The following BAP1 variants were observed in gnomAD, a reference collection of about 807,000 sequenced individuals.
The protein encoded by BAP1 is ubiquitin carboxyl-terminal hydrolase BAP1.
In BAP1, 16 loss-of-function variants were observed where a neutral mutation model predicts 77.2. That is an observed-to-expected ratio of 0.21 (90% CI 0.14 to 0.31). The LOEUF (loss-of-function observed/expected upper bound fraction) is 0.31. Among genes scored for constraint, BAP1 ranks in the 10% least tolerant of loss-of-function variants. The pLI, the probability that BAP1 is intolerant of heterozygous loss-of-function variation, is 1.00. For missense variants in BAP1, 699 were observed against 967.3 expected (o/e 0.72, Z 3.68); for synonymous variants, 362 against 385.2 (o/e 0.94, Z 0.71).
At chr3:52,408,170 G>C (rs1705226170) in intron 4 of BAP1, 93 bp from the exon 5 acceptor site, 3 of 1,538,814 alleles carry the variant, frequency 1.9e-6, no homozygotes, top group African/African-American at 2.7e-5. Context: ...GAGCAGGTCA[G>C]TCATATCTGG....
Position 52,403,922 on chromosome 3 carries a change from A to G in BAP1, c.1251-28T>C. The G allele has an allele frequency of 6.2e-7, 1 of 1,611,852 alleles. No homozygotes were observed. Among genetic ancestry groups the G allele is most frequent in the Non-Finnish European group, 8.5e-7 (1 of 1,178,796 alleles). On this transcript the variant is annotated intron_variant, in intron 12 of 16. Coordinates refer to ENST00000460680, the MANE Select transcript of BAP1 (RefSeq NM_004656.4). This position sits in a 1 kb window ranked among gnomAD's most constrained non-coding sequence, Gnocchi z 4.0. The stretch of plus-strand genomic sequence containing the variant: ...GTGGGGCCCGAGAAGATGTGAAGCA[A>G]GGGAACGGGCCAGGTGACCATACCC...
chr3:52,404,774 G>T (rs542819424), intron 11 of BAP1, among the ~76,000 whole-genome samples, 188 bp from the exon 12 acceptor site: 1 of 152,190 alleles, frequency 6.6e-6, no homozygotes, highest in African/African-American at 2.4e-5. Flanking sequence ...AGAACCCCAC[G>T]GAGGGGTTTT....
chr3:52,406,017 C>G lies in BAP1; in HGVS notation c.784-105G>C. 6.5e-7 allele frequency: 1 copy of G among 1,549,512 alleles called. No individual in the cohort carries two copies. The highest frequency in any genetic ancestry group is 1.1e-5 in the South Asian group (1 of 87,664). ...AAGGAATAATGGCCTTGGCTCTACC[C>G]ATTCACTCACAGGGAAATAAAACAC... On this transcript the variant is annotated intron_variant, in intron 9 of 16. Coordinates refer to ENST00000460680, the MANE Select transcript of BAP1 (RefSeq NM_004656.4). This position sits in a 1 kb window ranked among gnomAD's most constrained non-coding sequence, Gnocchi z 4.6.
rs776549962 is a variant in BAP1, at chr3:52,403,476, T to C, written c.1669A>G (p.Ile557Val). ...NRAVRDLGPV[I>V]STGLLHLAED... ...GCCAGGTGCAGCAGGCCTGTGCTGA[T>C]GACAGGACCCAGATCACGGACAGCA... Residue 557 changes from isoleucine (I) to valine (V), a missense_variant, in exon 13 of 17, where the codon ATC (isoleucine) becomes GTC (valine). By Grantham distance (29) the Ile-to-Val change is conservative. Transcript: ENST00000460680. This position sits in a 1 kb window ranked among gnomAD's most constrained non-coding sequence, Gnocchi z 4.0. 35 of 1,613,838 alleles carry C rather than the reference T, an allele frequency of 2.2e-5. No homozygotes were observed. The highest frequency in any genetic ancestry group is 3.0e-5 in the Non-Finnish European group (35 of 1,179,978).
rs2153227553 is a variant in BAP1, at chr3:52,406,459, C to A, written c.660-83G>T. ...GAGGCAGATATCCTGGCAGGGCTCC[C>A]TGCAGTCACACCTGCAGCTGTAGGT... On this transcript the variant is annotated intron_variant, in intron 8 of 16. Coordinates refer to ENST00000460680, the MANE Select transcript of BAP1 (RefSeq NM_004656.4). This position sits in a 1 kb window ranked among gnomAD's most constrained non-coding sequence, Gnocchi z 4.6. 1.3e-6 allele frequency: 2 copies of A among 1,593,630 alleles called. No homozygotes were observed. The highest frequency in any genetic ancestry group is 2.2e-5 in the South Asian group (2 of 89,730).
rs1156967472 is a variant in BAP1, at chr3:52,408,603, A to G, written c.126T>C (p.Pro42=). 3.1e-6 allele frequency: 5 copies of G among 1,608,972 alleles called. No individual in the cohort carries two copies. The highest frequency in any genetic ancestry group is 2.7e-5 in the African/African-American group (2 of 74,910). ...IYDLQSKCQG[P]VYGFIFLFKW... The stretch of plus-strand genomic sequence containing the variant: ...TGAACAGGAAGATAAATCCATATAC[A>G]GGGCTGGGGGAAGTAAGGGGCAGAG... The change falls in exon 4 of 17, where the codon CCT becomes CCC. Residue 42 remains proline, a synonymous_variant. Transcript: ENST00000460680.
rs749460317 is a variant in BAP1, at chr3:52,406,386, C to T, written c.660-10G>A. 19 of 1,612,184 alleles carry T rather than the reference C, an allele frequency of 1.2e-5. No homozygotes were observed. Among genetic ancestry groups the T allele is most frequent in the South Asian group, 2.2e-5 (2 of 91,012 alleles). On this transcript the variant is annotated splice_polypyrimidine_tract_variant and intron_variant, in intron 8 of 16. Transcript: ENST00000460680. This position sits in a 1 kb window ranked among gnomAD's most constrained non-coding sequence, Gnocchi z 4.6. Reference sequence around the variant, plus strand: ...GTCGTGGTAGGGCTCCCTGCAGTCACAGCCGCAGCCGTGAGAGCAGCTCCC... The same window carrying T: ...GTCGTGGTAGGGCTCCCTGCAGTCATAGCCGCAGCCGTGAGAGCAGCTCCC...
In BAP1 at chr3:52,403,654, A is replaced by C; in HGVS notation, c.1491T>G (p.Ser497=). 1 of 1,613,648 alleles carries C rather than the reference A, an allele frequency of 6.2e-7. No individual in the cohort carries two copies. Among genetic ancestry groups the C allele is most frequent in the Non-Finnish European group, 8.5e-7 (1 of 1,179,628 alleles). The part of the protein sequence containing the change: ...TPSNESTDTA[S]EIGSAFNSPL... Reference sequence around the variant, plus strand: ...GCGAGTTGAAAGCACTGCCGATCTCAGAGGCCGTGTCTGTACTCTCATTGC... The same window carrying C: ...GCGAGTTGAAAGCACTGCCGATCTCCGAGGCCGTGTCTGTACTCTCATTGC... Residue 497 remains serine, a synonymous_variant, in exon 13 of 17, where the codon TCT becomes TCG. Coordinates refer to ENST00000460680, the MANE Select transcript of BAP1 (RefSeq NM_004656.4). This position sits in a 1 kb window ranked among gnomAD's most constrained non-coding sequence, Gnocchi z 4.0.
chr3:52,406,550 T>C lies in BAP1; in HGVS notation c.660-174A>G, dbSNP rs1227003801. Reference sequence around the variant, plus strand: ...ATGCCAGGCACCTGAGCTGGTACCTTCCAACAAGCTGTATGAGGGGCCTAT... The same window carrying C: ...ATGCCAGGCACCTGAGCTGGTACCTCCCAACAAGCTGTATGAGGGGCCTAT... On this transcript the variant is annotated intron_variant, in intron 8 of 16. Coordinates refer to ENST00000460680, the MANE Select transcript of BAP1 (RefSeq NM_004656.4). The surrounding 1 kb of genome is among the most constrained non-coding windows in gnomAD (Gnocchi z 4.6). 5 of 1,056,090 alleles carry C rather than the reference T, an allele frequency of 4.7e-6. No individual in the cohort carries two copies. In the African/African-American group the frequency reaches 6.3e-5, roughly 13 times the overall value. The allele number at this position is 1,056,090 out of a possible 1,614,324, so 65.4% of individuals were successfully genotyped here.
chr3:52,404,914 G>A (rs1260522984), intron 11 of BAP1, among the ~76,000 whole-genome samples, 196 bp downstream of exon 11: 1 of 152,234 alleles, frequency 6.6e-6, no homozygotes, highest in Non-Finnish European at 1.5e-5. Flanking sequence ...ATTCAAAGGA[G>A]CTCTCCCTGC....
In BAP1 at chr3:52,403,758, G is replaced by A. The variant is rs145361939; in HGVS notation, c.1387C>T (p.Leu463=). 4.3e-6 allele frequency: 7 copies of A among 1,614,000 alleles called. No individual in the cohort carries two copies. The highest frequency in any genetic ancestry group is 1.3e-5 in the African/African-American group (1 of 74,916). The change falls in exon 13 of 17, where the codon CTG becomes TTG. Residue 463 remains leucine (L), a synonymous_variant. Transcript: ENST00000460680. The surrounding 1 kb of genome is among the most constrained non-coding windows in gnomAD (Gnocchi z 4.0). Reference sequence around the variant, plus strand: ...GCCCCGCTGCTAGTCTTGATGGACAGAGGAATTGAGAGGTCCTTCTGGGAC... The same window carrying A: ...GCCCCGCTGCTAGTCTTGATGGACAAAGGAATTGAGAGGTCCTTCTGGGAC... ...KESQKDLSIP[L]SIKTSSGAGS...
chr3:52,404,697 A>C, intron 11 of BAP1, 111 bp from the exon 12 acceptor site: 1 of 1,474,128 alleles, frequency 6.8e-7, no homozygotes, highest in Non-Finnish European at 9.2e-7. Context: ...GAGTCAGCGG[A>C]ACCCCTCCAG....
At chr3:52,404,380 A>G (rs1705077374) in intron 12 of BAP1, 73 bp downstream of exon 12, 2 of 1,610,560 alleles carry the variant, frequency 1.2e-6, no homozygotes, top group Admixed American at 3.3e-5. Context: ...GGGCATTCTC[A>G]GACACAGACT....
At chr3:52,408,632 G>T (rs919259787) in intron 3 of BAP1, 26 bp from the exon 4 acceptor site, 2 of 1,603,688 alleles carry the variant, frequency 1.2e-6, no homozygotes, top group African/African-American at 1.3e-5. Flanking sequence ...GGCAGAGCCA[G>T]ATCAGCCAAA....
At position 52,407,512 on chromosome 3, in the gene BAP1, C is replaced by G. The variant is rs985634025; in HGVS notation, c.376-52G>C. ...CAGAATAATTTCTCCTCAGGTAGGA[C>G]TATGGGTGGAAGGCAAAGCTTCAGA... is the stretch of plus-strand genomic sequence containing the variant. On this transcript the variant is annotated intron_variant, in intron 5 of 16. Coordinates refer to ENST00000460680, the MANE Select transcript of BAP1 (RefSeq NM_004656.4). 1.9e-6 allele frequency: 3 copies of G among 1,611,520 alleles called. No individual in the cohort carries two copies. In the African/African-American group the frequency reaches 4.0e-5, roughly 22 times the overall value.
At position 52,407,047 on chromosome 3, in the gene BAP1, C is replaced by A. The variant is rs1705187079; in HGVS notation, c.580+127G>T. 9 of 1,531,352 alleles carry A rather than the reference C, an allele frequency of 5.9e-6. No homozygotes were observed. The South Asian group carries it at 8.1e-5, about 14-fold the overall frequency. 94.9% of individuals were successfully genotyped at this position (1,531,352 alleles called of 1,614,324 possible). A position where few individuals can be genotyped will look rare whatever the true frequency, so the allele number is the denominator to read the frequency against. ...GGCAATATGGTGTAGGGTGAAACCC[C>A]AGCCAGAGCCGGGTGTCGGTACCGA... is the stretch of plus-strand genomic sequence containing the variant. On this transcript the variant is annotated intron_variant, in intron 7 of 16. Transcript: ENST00000460680.
chr3:52,408,996 A>G (rs1005751159), intron 3 of BAP1, among the ~76,000 whole-genome samples: 9 of 152,250 alleles, frequency 5.9e-5, no homozygotes, highest in Non-Finnish European at 8.8e-5. Flanking sequence ...TGTGGGCCCC[A>G]ATGCAGTCAG....
rs2153227925 is a variant in BAP1 at position 52,407,386 on chromosome 3, A to G, written c.437+13T>C. 1.2e-6 allele frequency: 2 copies of G among 1,614,134 alleles called. No individual in the cohort carries two copies. Among genetic ancestry groups the G allele is most frequent in the African/African-American group, 1.3e-5 (1 of 75,036 alleles). The stretch of plus-strand genomic sequence containing the variant: ...ACTCCCACCCCACATCAGCTCCCAC[A>G]GCTCCCACACACCTGGCATGGCTAT... On this transcript the variant is annotated intron_variant, in intron 6 of 16. Coordinates refer to ENST00000460680, the MANE Select transcript of BAP1 (RefSeq NM_004656.4).
In BAP1 at chr3:52,406,048, C is replaced by T; in HGVS notation, c.784-136G>A. ...CTCACAGGGAAATAAAACACCCAAA[C>T]CCAAACTTCCTTTTAGAAGCTATTC... On this transcript the variant is annotated intron_variant, in intron 9 of 16. Transcript: ENST00000460680. This position sits in a 1 kb window ranked among gnomAD's most constrained non-coding sequence, Gnocchi z 4.6. 6.7e-7 allele frequency: 1 copy of T among 1,499,910 alleles called. No homozygotes were observed. The highest frequency in any genetic ancestry group is 1.2e-5 in the South Asian group (1 of 84,976). 92.9% of individuals were successfully genotyped at this position (1,499,910 alleles called of 1,614,324 possible). A position where few individuals can be genotyped will look rare whatever the true frequency, so the allele number is the denominator to read the frequency against.
Sources: gnomAD v4.1 joint callset for allele counts (sites outside exome capture counted in the v4.1 genomes callset) on GRCh38, gnomAD v4.1.1 for gene constraint, Gnocchi (gnomAD v3.1) non-coding constraint, MANE v1.5 for transcripts, NCBI Gene and HGNC (gene_info 2026-07-23, HGNC 2026-07-21) for gene names.